STXBP6: variants seen among roughly 807,000 people sequenced by gnomAD.
The protein encoded by STXBP6 is syntaxin-binding protein 6.
In STXBP6, 21 loss-of-function variants were observed where a neutral mutation model predicts 26.9. The observed-to-expected ratio is 0.78, with a 90% CI of 0.55 to 1.12. The LOEUF (loss-of-function observed/expected upper bound fraction) is 1.12, where lower values mean the gene tolerates loss of function less well. Ranked by LOEUF, STXBP6 falls within the 50% of genes most tolerant of loss-of-function variation. The pLI is 0.00. For missense variants in STXBP6, 232 were observed against 257.9 expected, an observed-to-expected ratio of 0.90 and a Z score of 0.69; for synonymous variants, 97 against 92.6, an observed-to-expected ratio of 1.05 and a Z score of -0.27.
At chr14:24,819,528 G>C (rs2068079606) in intron 4 of STXBP6, 1 of 511,612 alleles carries the variant, frequency 2.0e-6, no homozygotes, top group South Asian at 3.6e-5. Context: ...GGCTTGCAAA[G>C]ATAAATGAAA....
chr14:24,882,574 C>T (rs1384463955), intron 2 of STXBP6, among the ~76,000 whole-genome samples: 1 of 151,916 alleles, frequency 6.6e-6, no homozygotes, highest in African/African-American at 2.4e-5. Context: ...CTGCTTCTTG[C>T]CAAGCCTGAA....
chr14:24,956,955 C>T lies in STXBP6; in HGVS notation c.154+17710G>A, dbSNP rs531349440. Among the ~76,000 whole-genome samples the T allele has an allele frequency of 5.3e-5, 8 of 152,208 alleles. No individual in the cohort carries two copies. The East Asian group carries it at 1.5e-3, about 29-fold the overall frequency. ...GCGTATTCTTGAGGCTCCTAAGCTC[C>T]CTGAAGACGGAGTCACATTTTGCAT... On this transcript the variant is annotated intron_variant, in intron 2 of 5. Coordinates refer to ENST00000323944, the MANE Select transcript of STXBP6 (RefSeq NM_001394410.1).
chr14:25,022,863 C>T (rs942108960), intron 1 of STXBP6, among the ~76,000 whole-genome samples: 12 of 152,166 alleles, frequency 7.9e-5, no homozygotes, highest in Non-Finnish European at 1.3e-4. Context: ...AAACTCATCT[C>T]CAATTCAATT....
At chr14:24,862,592 T>C (rs1012777342) in intron 2 of STXBP6, among the ~76,000 whole-genome samples, 1 of 152,174 alleles carries the variant, frequency 6.6e-6, no homozygotes. Flanking sequence ...TTAGTATCAC[T>C]AGTTCCTAGG....
intron 2 of STXBP6, among the ~76,000 whole-genome samples, chr14:24,890,338 G>A (rs1449883710): frequency 1.3e-5 from 2 of 152,220 alleles, no homozygotes; most frequent in African/African-American, 4.8e-5. Flanking sequence ...ACTGGAAGGA[G>A]GTTGGCATGG....
At chr14:24,893,417 T>G (rs1387554337) in intron 2 of STXBP6, among the ~76,000 whole-genome samples, 3 of 152,214 alleles carry the variant, frequency 2.0e-5, no homozygotes, top group Non-Finnish European at 4.4e-5. Context: ...CACAGCTAAG[T>G]TGCAGAACAG....
intron 4 of STXBP6, among the ~76,000 whole-genome samples, chr14:24,837,585 G>A (rs546056390): frequency 2.6e-5 from 4 of 152,268 alleles, no homozygotes; most frequent in African/African-American, 9.6e-5. Context: ...CAGGTCCCAG[G>A]ACTTTGGGGC....
At chr14:24,852,195 C>T (rs1190309105) in intron 4 of STXBP6, among the ~76,000 whole-genome samples, 1 of 152,128 alleles carries the variant, frequency 6.6e-6, no homozygotes, top group Non-Finnish European at 1.5e-5. Context: ...ACAGGGACCC[C>T]ATGACAGTTA....
chr14:24,932,589 G>A (rs78581825), intron 2 of STXBP6, among the ~76,000 whole-genome samples: 7,209 of 152,156 alleles, frequency 0.047, 291 homozygotes, highest in African/African-American at 0.11. Context: ...TACAGTGAGT[G>A]AGAGATGAGA....
chr14:25,008,547 C>T (rs895093646), intron 1 of STXBP6, among the ~76,000 whole-genome samples: 1 of 152,210 alleles, frequency 6.6e-6, no homozygotes, highest in African/African-American at 2.4e-5. Context: ...TAAAGACTCA[C>T]TGAATGTTAT....
At chr14:24,939,991 C>T (rs1008387451) in intron 2 of STXBP6, among the ~76,000 whole-genome samples, 5 of 152,190 alleles carry the variant, frequency 3.3e-5, no homozygotes, top group Non-Finnish European at 7.3e-5. Context: ...TGCCTGTCTG[C>T]ACAGTATCTT....
chr14:24,823,824 AGATATGGGTTCT>A (rs2068208596), intron 4 of STXBP6, among the ~76,000 whole-genome samples: 1 of 152,238 alleles, frequency 6.6e-6, no homozygotes, highest in Admixed American at 6.5e-5. Context: ...TGTGTAAAAT[AGATATGGGTTCT>A]AACAAACACA....
intron 5 of STXBP6, among the ~76,000 whole-genome samples, chr14:24,814,487 C>G (rs1363692425): frequency 2.6e-5 from 4 of 152,188 alleles, no homozygotes; most frequent in Non-Finnish European, 4.4e-5. Context: ...TGGGCTTGTG[C>G]CAATTTACCC....
intron 1 of STXBP6, among the ~76,000 whole-genome samples, chr14:24,999,144 G>C (rs188936216): frequency 9.9e-4 from 150 of 152,258 alleles, no homozygotes; most frequent in African/African-American, 2.9e-3. Context: ...CCATTGTACA[G>C]CTGAAAAACT....
At chr14:24,907,613 T>G (rs907793016) in intron 2 of STXBP6, among the ~76,000 whole-genome samples, 1 of 152,164 alleles carries the variant, frequency 6.6e-6, no homozygotes, top group African/African-American at 2.4e-5. Flanking sequence ...TGTGGCTGAT[T>G]ACTCACAGAT....
chr14:24,827,360 A>T (rs1454837934), intron 4 of STXBP6, among the ~76,000 whole-genome samples: 1 of 152,200 alleles, frequency 6.6e-6, no homozygotes, highest in East Asian at 1.9e-4. Flanking sequence ...CAGCTCACTT[A>T]TTACAGAACA....
At position 24,810,551 on chromosome 14, in the gene STXBP6, C is replaced by T. The variant is rs530683922; in HGVS notation, c.*2158G>A. 6.6e-6 allele frequency: 1 copy of T among 152,164 alleles called. No homozygotes were observed. The highest frequency in any genetic ancestry group is 2.1e-4 in the South Asian group (1 of 4,808). 9.4% of individuals were successfully genotyped at this position (152,164 alleles called of 1,614,324 possible). A position where few individuals can be genotyped will look rare whatever the true frequency, so the allele number is the denominator to read the frequency against. On this transcript the variant is annotated 3_prime_UTR_variant, in exon 6 of 6. Coordinates refer to ENST00000323944, the MANE Select transcript of STXBP6 (RefSeq NM_001394410.1). ...GGCTTTCTTCTAATTCAGGCTATTT[C>T]CAATGAAACTTAGGTCTAAAAGGAT...
intron 2 of STXBP6, among the ~76,000 whole-genome samples, chr14:24,898,739 C>A (rs1385512375): frequency 6.6e-6 from 1 of 152,064 alleles, no homozygotes; most frequent in Non-Finnish European, 1.5e-5. Flanking sequence ...TGCTGTCAGC[C>A]ACTCATATGA....
intron 2 of STXBP6, among the ~76,000 whole-genome samples, chr14:24,865,108 G>A (rs1050135679): frequency 3.3e-5 from 5 of 151,940 alleles, no homozygotes; most frequent in Non-Finnish European, 2.9e-5. Context: ...ATCTACTAAA[G>A]CTGAACATGT....
Sources: gnomAD v4.1 joint callset for allele counts (sites outside exome capture counted in the v4.1 genomes callset) on GRCh38, gnomAD v4.1.1 for gene constraint, MANE v1.5 for transcripts, NCBI Gene and HGNC (gene_info 2026-07-23, HGNC 2026-07-21) for gene names.